The following GLMN variants were observed in gnomAD, a reference collection of about 807,000 sequenced individuals.
GLMN encodes glomulin, FKBP associated protein.
In GLMN, 75 loss-of-function variants were observed where a neutral mutation model predicts 87.8. The observed-to-expected ratio is 0.85, with a 90% CI of 0.71 to 1.04. The LOEUF (loss-of-function observed/expected upper bound fraction) is 1.04, where lower values mean the gene tolerates loss of function less well. Among genes scored for constraint, GLMN ranks in the 50% least tolerant of loss-of-function variants. GLMN has a pLI of 0.00. For missense variants in GLMN, 588 were observed against 658.8 expected (o/e 0.89, Z 1.18); for synonymous variants, 206 against 221.6 (o/e 0.93, Z 0.63).
chr1:92,312,038 C>A, the GLMN span, among the ~76,000 whole-genome samples: 2 of 152,148 alleles, frequency 1.3e-5, no homozygotes, highest in African/African-American at 2.4e-5. Flanking sequence ...CTGCACTGAT[C>A]GACTTCCTTT....
the GLMN span, among the ~76,000 whole-genome samples, chr1:92,336,044 T>G: frequency 6.6e-6 from 1 of 152,198 alleles, no homozygotes; most frequent in Non-Finnish European, 1.5e-5. Context: ...GTTCTTTCCA[T>G]CTTGGTCTAA....
At chr1:92,326,366 A>AG in the GLMN span, among the ~76,000 whole-genome samples, 17 of 152,158 alleles carry the variant, frequency 1.1e-4, no homozygotes, top group African/African-American at 3.9e-4. Context: ...TGGAGATGGC[A>AG]GGGGGGTGAA....
chr1:92,298,821 C>G (rs1042273190), intron 1 of GLMN, 104 bp downstream of exon 1: 1 of 383,312 alleles, frequency 2.6e-6, no homozygotes, highest in Admixed American at 4.5e-5. Context: ...TGGGCAGGCT[C>G]CACCACCTCG....
chr1:92,355,758 A>C, the GLMN span, among the ~76,000 whole-genome samples: 5 of 152,230 alleles, frequency 3.3e-5, no homozygotes, highest in Non-Finnish European at 5.9e-5. Flanking sequence ...ATGATGCTCA[A>C]AGGAAATACT....
chr1:92,258,596 CT>C (rs1654578585), intron 16 of GLMN, among the ~76,000 whole-genome samples: 1 of 152,130 alleles, frequency 6.6e-6, no homozygotes, highest in Non-Finnish European at 1.5e-5. Context: ...AGTTCATGTC[CT>C]TTGCAGGGAC....
the GLMN span, among the ~76,000 whole-genome samples, chr1:92,314,050 C>T: frequency 6.6e-6 from 1 of 152,182 alleles, no homozygotes; most frequent in Non-Finnish European, 1.5e-5. Flanking sequence ...CCTATCCAGA[C>T]CACTAAAACT....
the GLMN span, among the ~76,000 whole-genome samples, chr1:92,310,092 A>G: frequency 2.6e-5 from 4 of 152,128 alleles, no homozygotes; most frequent in Non-Finnish European, 5.9e-5. Flanking sequence ...CCACTTGATT[A>G]GAAGGAAACA....
chr1:92,296,015 T>G (rs1162805013), intron 3 of GLMN, among the ~76,000 whole-genome samples: 1 of 152,154 alleles, frequency 6.6e-6, no homozygotes, highest in African/African-American at 2.4e-5. Flanking sequence ...ATCATAAACA[T>G]GTATCAAAAA....
At chr1:92,291,844 G>A (rs1649449079) in intron 3 of GLMN, among the ~76,000 whole-genome samples, 1 of 152,078 alleles carries the variant, frequency 6.6e-6, no homozygotes, top group Admixed American at 6.6e-5. Flanking sequence ...CTTAATACAG[G>A]TACTTAACTT....
At chr1:92,274,610 ATTAAT>A (rs1394179389) in intron 7 of GLMN, among the ~76,000 whole-genome samples, 5 of 152,086 alleles carry the variant, frequency 3.3e-5, no homozygotes, top group African/African-American at 1.2e-4. Flanking sequence ...CTTTATTATT[ATTAAT>A]TTATTTTTCA....
intron 16 of GLMN, among the ~76,000 whole-genome samples, chr1:92,248,755 CTTGCAGCA>C (rs1653023471): frequency 6.6e-6 from 1 of 150,866 alleles, no homozygotes; most frequent in Non-Finnish European, 1.5e-5. Flanking sequence ...GTACATGTTA[CTTGCAGCA>C]TTCCAAATAA....
chr1:92,263,830 TAAAATA>T, intron 14 of GLMN, 98 bp from the exon 15 acceptor site: 1 of 766,780 alleles, frequency 1.3e-6, no homozygotes, highest in Non-Finnish European at 2.4e-6. Flanking sequence ...ATTGCACATT[TAAAATA>T]CAGTTTTTAA....
At chr1:92,273,249 C>T (rs780885986) in intron 7 of GLMN, among the ~76,000 whole-genome samples, 1 of 152,146 alleles carries the variant, frequency 6.6e-6, no homozygotes, top group African/African-American at 2.4e-5. Flanking sequence ...CATCCTCAGT[C>T]ACAAGAGACT....
At chr1:92,298,097 A>C in intron 1 of GLMN, 68 bp from the exon 2 acceptor site, 1 of 759,668 alleles carries the variant, frequency 1.3e-6, no homozygotes, top group Non-Finnish European at 2.4e-6. Flanking sequence ...GTTATGTTTC[A>C]GTGTGATAAA....
the GLMN span, among the ~76,000 whole-genome samples, chr1:92,369,416 C>T: frequency 5.3e-5 from 8 of 152,208 alleles, no homozygotes; most frequent in Non-Finnish European, 2.9e-5. Context: ...GGGAACCGAT[C>T]CTCCCACCTC....
intron 13 of GLMN, among the ~76,000 whole-genome samples, chr1:92,265,531 T>A (rs768982151): frequency 7.9e-5 from 12 of 152,098 alleles, no homozygotes; most frequent in Non-Finnish European, 1.6e-4. Flanking sequence ...ATCTCAACAC[T>A]TTGGGAGGCT....
At chr1:92,356,240 G>A in the GLMN span, among the ~76,000 whole-genome samples, 2 of 151,226 alleles carry the variant, frequency 1.3e-5, no homozygotes, top group African/African-American at 4.9e-5. Flanking sequence ...GCCTCCCAAA[G>A]TGCTAGGATT....
At chr1:92,342,025 A>G in the GLMN span, among the ~76,000 whole-genome samples, 3 of 152,238 alleles carry the variant, frequency 2.0e-5, no homozygotes, top group East Asian at 1.9e-4. Flanking sequence ...TATATGCTAG[A>G]TACTGTTTTA....
At chr1:92,304,445 T>C in the GLMN span, 1 of 617,224 alleles carries the variant, frequency 1.6e-6, no homozygotes, top group Non-Finnish European at 2.7e-6. Flanking sequence ...TGATATTAAA[T>C]AGGATTCTAA....
Sources: gnomAD v4.1 joint callset for allele counts (sites outside exome capture counted in the v4.1 genomes callset) on GRCh38, gnomAD v4.1.1 for gene constraint, MANE v1.5 for transcripts, NCBI Gene and HGNC (gene_info 2026-07-23, HGNC 2026-07-21) for gene names.